The following BNIP3L variants were observed in gnomAD, a reference collection of about 807,000 sequenced individuals.
BNIP3L encodes the protein BCL2/adenovirus E1B 19 kDa protein-interacting protein 3-like.
In BNIP3L, 10 loss-of-function variants were observed where a neutral mutation model predicts 25.5. The observed-to-expected ratio is 0.39, with a 90% confidence interval of 0.24 to 0.67. The LOEUF is 0.67. BNIP3L is among the 30% of genes least tolerant of loss of function. The pLI is 0.45. For missense variants in BNIP3L, 215 were observed against 270.9 expected (o/e 0.79, Z 1.45); for synonymous variants, 113 against 101.2 (o/e 1.12, Z -0.70).
At chr8:26,386,205 T>G (rs1440055891) in intron 1 of BNIP3L, among the ~76,000 whole-genome samples, 1 of 152,216 alleles carries the variant, frequency 6.6e-6, no homozygotes, top group Non-Finnish European at 1.5e-5. Flanking sequence ...GTGGAGAGAC[T>G]GTTCACTTTC....
chr8:26,411,951 C>CT lies in BNIP3L; in HGVS notation c.*1540dup, dbSNP rs1272926838. ...AGACAGGTTTGCCAGTTTGCAGAAA[C>CT]TAACTCTTTTCTCACATCAACATTT... On this transcript the variant is annotated 3_prime_UTR_variant, in exon 6 of 6. Coordinates refer to ENST00000380629, the MANE Select transcript of BNIP3L (RefSeq NM_004331.3). 4 of 152,600 alleles carry CT rather than the reference C, an allele frequency of 2.6e-5. No individual in the cohort carries two copies. The highest frequency in any genetic ancestry group is 5.9e-5 in the Non-Finnish European group (4 of 68,014). 9.5% of individuals were successfully genotyped at this position (152,600 alleles called of 1,614,324 possible). A position where few individuals can be genotyped will look rare whatever the true frequency, so the allele number is the denominator to read the frequency against.
chr8:26,385,518 G>C (rs1805973639), intron 1 of BNIP3L, among the ~76,000 whole-genome samples: 1 of 150,470 alleles, frequency 6.6e-6, no homozygotes, highest in African/African-American at 2.4e-5. Context: ...CAGGAGAATC[G>C]CTTGAATCCG....
Position 26,407,985 on chromosome 8 carries a change from A to T in BNIP3L, c.358-15A>T. ...GTCTTCCTTTTTTTCTTAAAGTTTG[A>T]ATTCTTCTTTACAGTCAGAAGAAGA... On this transcript the variant is annotated splice_polypyrimidine_tract_variant and intron_variant, in intron 3 of 5. Transcript: ENST00000380629. 1 of 1,610,920 alleles carries T rather than the reference A, an allele frequency of 6.2e-7. No individual in the cohort carries two copies. Among genetic ancestry groups the T allele is most frequent in the Non-Finnish European group, 8.5e-7 (1 of 1,177,236 alleles).
Position 26,391,306 on chromosome 8 carries a change from G to A in BNIP3L, c.164G>A (p.Gly55Glu). Residue 55 changes from glycine (G) to glutamate (E), a missense_variant, in exon 2 of 6, where the codon GGG becomes GAG. Gly to Glu is a moderately conservative substitution (Grantham distance 98). Coordinates refer to ENST00000380629, the MANE Select transcript of BNIP3L (RefSeq NM_004331.3). ...AATGATAATGGCAATGGGAAAAATG[G>A]GGGGCTGGAACACGTACCATCCTCA... ...NGNDNGNGKN[G>E]GLEHVPSSSS... The A allele has an allele frequency of 6.2e-7, 1 of 1,612,246 alleles. No homozygotes were observed. Among genetic ancestry groups the A allele is most frequent in the Admixed American group, 1.7e-5 (1 of 59,722 alleles).
Position 26,403,331 on chromosome 8 carries a change from G to A in BNIP3L, c.358-4669G>A, listed in dbSNP as rs765421315. Among the ~76,000 whole-genome samples, 113 of 152,164 alleles carry A rather than the reference G, an allele frequency of 7.4e-4. 1 individual carries two copies. The highest frequency in any genetic ancestry group is 1.9e-3 in the Admixed American group (29 of 15,290). ...AAAAATTAATTTCTTTAGGATTTGG[G>A]AAAATTGATTTTCTTCCTGAATAAG... On this transcript the variant is annotated intron_variant, in intron 3 of 5. Coordinates refer to ENST00000380629, the MANE Select transcript of BNIP3L (RefSeq NM_004331.3).
chr8:26,392,172 T>G (rs897332188), intron 2 of BNIP3L, among the ~76,000 whole-genome samples: 4 of 129,404 alleles, frequency 3.1e-5, no homozygotes, highest in South Asian at 2.3e-4. Flanking sequence ...AACTTTTCTG[T>G]TTTTTTTTTT....
chr8:26,387,795 G>A (rs1806024033), intron 1 of BNIP3L, among the ~76,000 whole-genome samples: 1 of 152,120 alleles, frequency 6.6e-6, no homozygotes, highest in East Asian at 1.9e-4. Context: ...AATACCTATT[G>A]TCAAATTATT....
At chr8:26,408,713 A>T (rs1296385460) in intron 5 of BNIP3L, among the ~76,000 whole-genome samples, 4 of 152,118 alleles carry the variant, frequency 2.6e-5, no homozygotes, top group South Asian at 2.1e-4. Context: ...CTCTACTAAA[A>T]ATACAAAAAT....
chr8:26,385,972 A>C (rs1263716442), intron 1 of BNIP3L, among the ~76,000 whole-genome samples: 2 of 152,206 alleles, frequency 1.3e-5, no homozygotes, highest in African/African-American at 4.8e-5. Context: ...GGCAATGGGC[A>C]AAACAACTTA....
chr8:26,395,679 A>G, intron 3 of BNIP3L: 2 of 202,492 alleles, frequency 9.9e-6, no homozygotes, highest in Non-Finnish European at 2.0e-5. Context: ...GCGACGCAGA[A>G]GACGGGTGAT....
chr8:26,389,152 G>C (rs1228494007), intron 1 of BNIP3L, among the ~76,000 whole-genome samples: 1 of 152,060 alleles, frequency 6.6e-6, no homozygotes, highest in Non-Finnish European at 1.5e-5. Context: ...TTCTGTCAGA[G>C]CAGCTCTGGG....
rs567352386 is a variant in BNIP3L at position 26,412,894 on chromosome 8, C to T, written c.*2482C>T. On this transcript the variant is annotated 3_prime_UTR_variant, in exon 6 of 6. Coordinates refer to ENST00000380629, the MANE Select transcript of BNIP3L (RefSeq NM_004331.3). Reference sequence around the variant, plus strand: ...CACATTGGAAAGTGCAACAAGTTCCCGTGATTGCAGTAAAAATATTTACTA... The same window carrying T: ...CACATTGGAAAGTGCAACAAGTTCCTGTGATTGCAGTAAAAATATTTACTA... The T allele has an allele frequency of 2.6e-5, 4 of 152,530 alleles. No individual in the cohort carries two copies. Among genetic ancestry groups the T allele is most frequent in the East Asian group, 3.9e-4 (2 of 5,174 alleles). 9.4% of individuals were successfully genotyped at this position (152,530 alleles called of 1,614,324 possible). A position where few individuals can be genotyped will look rare whatever the true frequency, so the allele number is the denominator to read the frequency against.
chr8:26,410,245 C>A, intron 5 of BNIP3L, 119 bp from the exon 6 acceptor site: 1 of 1,143,490 alleles, frequency 8.7e-7, no homozygotes, highest in Non-Finnish European at 1.3e-6. Context: ...GGAGCGGTAC[C>A]CACAAACCTT....
At chr8:26,393,310 G>A (rs566747716) in intron 2 of BNIP3L, among the ~76,000 whole-genome samples, 1 of 150,024 alleles carries the variant, frequency 6.7e-6, no homozygotes, top group Admixed American at 6.7e-5. Context: ...AAATATTTGT[G>A]TTGCCGCAGG....
Position 26,408,000 on chromosome 8 carries a change from T to G in BNIP3L, c.358T>G (p.Ser120Ala), listed in dbSNP as rs749228161. The change falls in exon 4 of 6, where the codon TCA becomes GCA. Residue 120 changes from serine (S) to alanine (A), a missense_variant and splice_region_variant. Around this residue, in one of 4 missense-constraint regions of BNIP3L, gnomAD observed 47 missense variants for 43.3 expected, o/e 1.09. Transcript: ENST00000380629. The part of the protein sequence containing the change: ...MHTSRDHSSQ[S>A]EEEVVEGEKE... ...TTAAAGTTTGAATTCTTCTTTACAG[T>G]CAGAAGAAGAAGTTGTAGAAGGAGA... 14 of 1,613,560 alleles carry G rather than the reference T, an allele frequency of 8.7e-6. No individual in the cohort carries two copies. Among genetic ancestry groups the G allele is most frequent in the African/African-American group, 1.3e-5 (1 of 74,940 alleles).
At position 26,385,111 on chromosome 8, in the gene BNIP3L, G is replaced by A. The variant is rs139461981; in HGVS notation, c.100+1881G>A. Among the ~76,000 whole-genome samples the A allele has an allele frequency of 1.7e-3, 254 of 152,286 alleles. 1 individual carries two copies. The highest frequency in any genetic ancestry group is 2.6e-3 in the Non-Finnish European group (180 of 68,022). On this transcript the variant is annotated intron_variant, in intron 1 of 5. Transcript: ENST00000380629. ...CAGTGGTGCAGAACCTCCTGCTGGT[G>A]TGTGTGTCTTATTTTGTCAGTGTGT...
chr8:26,408,036 G>A lies in BNIP3L; in HGVS notation c.394G>A (p.Glu132Lys), dbSNP rs747118549. 9 of 1,614,150 alleles carry A rather than the reference G, an allele frequency of 5.6e-6. No individual in the cohort carries two copies. Among genetic ancestry groups the A allele is most frequent in the South Asian group, 4.4e-5 (4 of 91,086 alleles). ...EEVVEGEKEVEALKKSADWVS... is the reference protein window; with the variant it reads ...EEVVEGEKEVKALKKSADWVS... ...AGTTGTAGAAGGAGAGAAGGAAGTC[G>A]AGGCTTTGAAGAAAAGTGCGGACTG... The change falls in exon 4 of 6, where the codon GAG (glutamate) becomes AAG (lysine). Residue 132 changes from glutamate (E) to lysine (K), a missense_variant. Transcript: ENST00000380629.
intron 1 of BNIP3L, among the ~76,000 whole-genome samples, chr8:26,385,526 C>T (rs1805973763): frequency 1.3e-5 from 2 of 149,128 alleles, no homozygotes; most frequent in African/African-American, 4.9e-5. Flanking sequence ...TCGCTTGAAT[C>T]CGGGAGGCAG....
intron 2 of BNIP3L, 54 bp from the exon 3 acceptor site, chr8:26,395,176 A>T: frequency 6.4e-7 from 1 of 1,565,730 alleles, no homozygotes; most frequent in Non-Finnish European, 8.8e-7. Context: ...GTAGAGACTA[A>T]GTCATTTGAC....
Sources: gnomAD v4.1 joint callset for allele counts (sites outside exome capture counted in the v4.1 genomes callset) on GRCh38, gnomAD v4.1.1 for gene constraint, gnomAD v4.1.1 regional missense constraint, MANE v1.5 for transcripts, NCBI Gene and HGNC (gene_info 2026-07-23, HGNC 2026-07-21) for gene names.